Variants in TP53BP2 observed in about 807,000 individuals in gnomAD.
TP53BP2 encodes apoptosis-stimulating of p53 protein 2.
In TP53BP2, 62 loss-of-function variants were observed where a neutral mutation model predicts 126.2. That is an observed-to-expected ratio of 0.49 (90% CI 0.40 to 0.61). TP53BP2 has a LOEUF of 0.61. TP53BP2 is among the 20% of genes least tolerant of loss of function. TP53BP2 has a pLI of 0.00. For missense variants in TP53BP2, 1,215 were observed against 1,402.8 expected (o/e 0.87, Z 2.14); for synonymous variants, 485 against 502.9 (o/e 0.96, Z 0.48).
rs1428031610 is a variant in TP53BP2 at position 223,795,918 on chromosome 1, G to A, written c.2621C>T (p.Pro874Leu). 1.9e-6 allele frequency: 3 copies of A among 1,614,038 alleles called. No individual in the cohort carries two copies. The highest frequency in any genetic ancestry group is 2.5e-6 in the Non-Finnish European group (3 of 1,179,974). The change falls in exon 13 of 18, where the codon CCA becomes CTA. Residue 874 changes from proline to leucine, a missense_variant. Coordinates refer to ENST00000343537, the MANE Select transcript of TP53BP2 (RefSeq NM_001031685.3). ...VLDVYLEEYP[P>L]YPPPPYPSGE... Reference sequence around the variant, plus strand: ...AGATGGGTATGGTGGGGGTGGGTATGGAGGGTACTCCTCCAGGTACACATC... The same window carrying A: ...AGATGGGTATGGTGGGGGTGGGTATAGAGGGTACTCCTCCAGGTACACATC...
In TP53BP2 at chr1:223,798,183, A is replaced by G. The variant is rs199778970; in HGVS notation, c.1948+32T>C. The G allele has an allele frequency of 3.8e-6, 6 of 1,581,562 alleles. No individual in the cohort carries two copies. The East Asian group carries it at 1.3e-4, about 35-fold the overall frequency. On this transcript the variant is annotated intron_variant, in intron 12 of 17. Coordinates refer to ENST00000343537, the MANE Select transcript of TP53BP2 (RefSeq NM_001031685.3). ...GGCTTAAGTTCTGGTATAGAACTTAAGCACGTCACCTATGAACGTTAAGAA... is the reference window on the plus strand; with the variant it reads ...GGCTTAAGTTCTGGTATAGAACTTAGGCACGTCACCTATGAACGTTAAGAA...
At position 223,796,196 on chromosome 1, in the gene TP53BP2, A is replaced by T. The variant is rs1162372222; in HGVS notation, c.2343T>A (p.Ala781=). 1 of 1,614,200 alleles carries T rather than the reference A, an allele frequency of 6.2e-7. No individual in the cohort carries two copies. The highest frequency in any genetic ancestry group is 8.5e-7 in the Non-Finnish European group (1 of 1,180,046). Residue 781 remains alanine (A), a synonymous_variant, in exon 13 of 18, where the codon GCT becomes GCA. Transcript: ENST00000343537. The surrounding 1 kb of genome is among the most constrained non-coding windows in gnomAD (Gnocchi z 4.2). The part of the protein sequence containing the change: ...ISVPSYPSKS[A]SVTASSESPV... Reference sequence around the variant, plus strand: ...GGCTTTCTGAGCTGGCAGTCACAGAAGCTGACTTGGATGGGTATGATGGGA... The same window carrying T: ...GGCTTTCTGAGCTGGCAGTCACAGATGCTGACTTGGATGGGTATGATGGGA...
At chr1:223,825,576 G>C (rs1558106725) in intron 1 of TP53BP2, among the ~76,000 whole-genome samples, 1 of 152,116 alleles carries the variant, frequency 6.6e-6, no homozygotes, top group Admixed American at 6.6e-5. Flanking sequence ...TCTCAAATGA[G>C]AGAGTGTGTT....
At chr1:223,794,548 G>C (rs1662256283) in intron 13 of TP53BP2, among the ~76,000 whole-genome samples, 1 of 152,208 alleles carries the variant, frequency 6.6e-6, no homozygotes, top group African/African-American at 2.4e-5. Context: ...TAAAAAGAAA[G>C]TATAATACTT....
At chr1:223,793,675 C>T (rs576056899) in intron 13 of TP53BP2, among the ~76,000 whole-genome samples, 51 of 152,286 alleles carry the variant, frequency 3.3e-4, no homozygotes, top group African/African-American at 1.2e-3. Flanking sequence ...AGGAACATAA[C>T]TTTATAAAAT....
rs74488286 is a variant in TP53BP2 at position 223,798,012 on chromosome 1, A to G, written c.1948+203T>C. Among the ~76,000 whole-genome samples the G allele has an allele frequency of 4.0e-3, 608 of 152,130 alleles. 10 individuals are homozygous for G. In the East Asian group the frequency reaches 0.043, roughly 11 times the overall value. On this transcript the variant is annotated intron_variant, in intron 12 of 17. Transcript: ENST00000343537. ...CCAGACTTGAGACCACACTTTATTC[A>G]TCTATTATCTTTAGTGCCTACTACT...
Position 223,800,804 on chromosome 1 carries a change from T to C in TP53BP2, c.1232A>G (p.Lys411Arg). ...SGAASQTKGS[K>R]IHPVGPDWSP... ...CCAATCAGGGCCAACTGGATGGATTTTAGAGCCTAAAATACAGAAAAGCAG... is the reference window on the plus strand; with the variant it reads ...CCAATCAGGGCCAACTGGATGGATTCTAGAGCCTAAAATACAGAAAAGCAG... Residue 411 changes from lysine to arginine, a missense_variant, in exon 10 of 18, where the codon AAA becomes AGA. Lys to Arg is a conservative substitution (Grantham distance 26, BLOSUM62 2). Around this residue, in one of 4 missense-constraint regions of TP53BP2, gnomAD observed 814 missense variants for 853.0 expected, o/e 0.95. Coordinates refer to ENST00000343537, the MANE Select transcript of TP53BP2 (RefSeq NM_001031685.3). 6.2e-7 allele frequency: 1 copy of C among 1,600,492 alleles called. No individual in the cohort carries two copies. Among genetic ancestry groups the C allele is most frequent in the Non-Finnish European group, 8.5e-7 (1 of 1,176,004 alleles).
intron 15 of TP53BP2, among the ~76,000 whole-genome samples, chr1:223,790,466 G>A (rs1662117234): frequency 6.6e-6 from 1 of 151,958 alleles, no homozygotes; most frequent in East Asian, 1.9e-4. Context: ...GCTGAGACGG[G>A]AGGCTGCTTC....
chr1:223,791,889 T>C (rs901872434), intron 15 of TP53BP2, among the ~76,000 whole-genome samples: 1 of 152,168 alleles, frequency 6.6e-6, no homozygotes, highest in Non-Finnish European at 1.5e-5. Flanking sequence ...ATTTCCCCTA[T>C]CCTGCAAACA....
At position 223,814,359 on chromosome 1, in the gene TP53BP2, G is replaced by C; in HGVS notation, c.176-6C>G. Reference sequence around the variant, plus strand: ...ATTATCCGCAACTGGACGTTCTAAAGCAAATGAGTAGAAACCACATTATTT... The same window carrying C: ...ATTATCCGCAACTGGACGTTCTAAACCAAATGAGTAGAAACCACATTATTT... On this transcript the variant is annotated splice_region_variant and splice_polypyrimidine_tract_variant and intron_variant, in intron 2 of 17. Transcript: ENST00000343537. 6.3e-7 allele frequency: 1 copy of C among 1,593,384 alleles called. No homozygotes were observed. Among genetic ancestry groups the C allele is most frequent in the Non-Finnish European group, 8.6e-7 (1 of 1,161,642 alleles).
Position 223,784,120 on chromosome 1 carries a change from G to C in TP53BP2, c.3358C>G (p.Leu1120Val), listed in dbSNP as rs1489702369. ...TAAGCGTCAGAATAACTTACTCCCA[G>C]CAAGTTACGTGGAACATATCCCTCC... ...DKEGYVPRNL[L>V]GLYPRIKPRQ... Residue 1120 changes from leucine to valine, a missense_variant, in exon 17 of 18, where the codon CTG becomes GTG. This residue lies in a region of TP53BP2 where 151 missense variants were observed against 231.2 expected (regional missense o/e 0.65). Transcript: ENST00000343537. 3.1e-6 allele frequency: 5 copies of C among 1,614,030 alleles called. No individual in the cohort carries two copies. In the South Asian group the frequency reaches 5.5e-5, roughly 18 times the overall value.
At chr1:223,823,288 G>A (rs1477413443) in intron 1 of TP53BP2, among the ~76,000 whole-genome samples, 3 of 152,120 alleles carry the variant, frequency 2.0e-5, no homozygotes, top group Admixed American at 1.3e-4. Flanking sequence ...ACCGGATTAG[G>A]GATGATGATG....
intron 1 of TP53BP2, among the ~76,000 whole-genome samples, chr1:223,824,379 G>A (rs552188733): frequency 6.6e-6 from 1 of 152,284 alleles, no homozygotes; most frequent in East Asian, 1.9e-4. Flanking sequence ...AGTTGACCCC[G>A]CTTCTACCTG....
chr1:223,791,806 G>A (rs1662165270), intron 15 of TP53BP2, among the ~76,000 whole-genome samples: 1 of 152,084 alleles, frequency 6.6e-6, no homozygotes, highest in African/African-American at 2.4e-5. Context: ...AAAATTTGCT[G>A]TCTATTCTGT....
intron 1 of TP53BP2, among the ~76,000 whole-genome samples, chr1:223,843,320 G>A (rs776198728): frequency 3.9e-5 from 6 of 151,932 alleles, no homozygotes; most frequent in Admixed American, 2.0e-4. Context: ...ACAGGCGCAC[G>A]CCACCACACC....
chr1:223,844,281 C>T (rs1290685143), intron 1 of TP53BP2, among the ~76,000 whole-genome samples: 1 of 152,172 alleles, frequency 6.6e-6, no homozygotes, highest in East Asian at 1.9e-4. Flanking sequence ...AATTCGGCTA[C>T]ACAACGGATA....
intron 9 of TP53BP2, 24 bp downstream of exon 9, chr1:223,802,092 A>C: frequency 6.2e-7 from 1 of 1,607,282 alleles, no homozygotes; most frequent in Non-Finnish European, 8.5e-7. Flanking sequence ...GACAGGAAGA[A>C]CTAGGCTGTG....
At chr1:223,839,756 T>C (rs960890021) in intron 1 of TP53BP2, among the ~76,000 whole-genome samples, 1 of 151,970 alleles carries the variant, frequency 6.6e-6, no homozygotes, top group African/African-American at 2.4e-5. Context: ...ATGGTGAAAC[T>C]CTGTCTCTAC....
At chr1:223,815,218 T>C (rs1185967573) in intron 2 of TP53BP2, among the ~76,000 whole-genome samples, 1 of 152,196 alleles carries the variant, frequency 6.6e-6, no homozygotes, top group Non-Finnish European at 1.5e-5. Flanking sequence ...TAAATAAACA[T>C]GGGCAGAGAA....
Sources: allele counts gnomAD v4.1 joint callset (sites outside exome capture counted in the v4.1 genomes callset), GRCh38; gene constraint gnomAD v4.1.1; regional missense constraint gnomAD v4.1.1; non-coding constraint Gnocchi (gnomAD v3.1); transcripts MANE v1.5; gene names NCBI Gene and HGNC (gene_info 2026-07-23, HGNC 2026-07-21).